The following KIAA1210 variants were observed in gnomAD, a reference collection of about 807,000 sequenced individuals.
KIAA1210 encodes the protein KIAA1210.
KIAA1210 carries 48 observed loss-of-function variants against 78.9 expected under a neutral mutation model. That is an observed-to-expected ratio of 0.61 (90% CI 0.48 to 0.77). KIAA1210 has a LOEUF of 0.77. KIAA1210 is among the 30% of genes least tolerant of loss of function. The pLI is 0.00. For missense variants in KIAA1210, 1,108 were observed against 1,100.0 expected (o/e 1.01, Z -0.10); for synonymous variants, 406 against 404.5 (o/e 1.00, Z -0.04).
At chrX:119,123,939 G>C (rs992832650) in intron 1 of KIAA1210, among the ~76,000 whole-genome samples, 1 of 111,723 alleles carries the variant, frequency 9.0e-6, no homozygotes, top group Non-Finnish European at 1.9e-5. Context: ...GTTTTGGTGG[G>C]GGGGGCGTTG....
At chrX:119,095,119 G>A (rs959416647) in intron 7 of KIAA1210, among the ~76,000 whole-genome samples, 3 of 112,270 alleles carry the variant, frequency 2.7e-5, no homozygotes, top group Non-Finnish European at 5.6e-5. Context: ...AAGATGGTGG[G>A]ATGAAAAAAG....
intron 1 of KIAA1210, among the ~76,000 whole-genome samples, chrX:119,149,155 CT>C (rs1425798333): frequency 1.8e-5 from 2 of 110,252 alleles, no homozygotes; most frequent in African/African-American, 6.6e-5. Flanking sequence ...TAGGAAAAAG[CT>C]CAAAGAAGAG....
In KIAA1210 at chrX:119,089,330, C is replaced by G; in HGVS notation, c.1372G>C (p.Ala458Pro). 1.7e-6 allele frequency: 2 copies of G among 1,211,556 alleles called. No homozygotes were observed. Among genetic ancestry groups the G allele is most frequent in the South Asian group, 3.5e-5 (2 of 56,864 alleles). Residue 458 changes from alanine (A) to proline (P), a missense_variant, in exon 9 of 12, where the codon GCA becomes CCA. By Grantham distance (27) the Ala-to-Pro change is conservative (BLOSUM62 -1). Coordinates refer to ENST00000691062, the MANE Select transcript of KIAA1210 (RefSeq NM_001394962.1). ...TCCATGTTTTCAGGTATGGGCTGTG[C>G]TGCTGATGCTTTTCTGGATCCGAAA... ...IDFGSRKASA[A>P]QPIPENMDNS...
intron 2 of KIAA1210, among the ~76,000 whole-genome samples, chrX:119,142,673 G>T (rs1049349048): frequency 9.4e-6 from 1 of 106,252 alleles, no homozygotes; most frequent in African/African-American, 3.4e-5. Flanking sequence ...GCTACAGGAG[G>T]CTGAGGCAGG....
chrX:119,147,638 A>C, intron 1 of KIAA1210: 1 of 1,167,538 alleles, frequency 8.6e-7, no homozygotes, highest in Non-Finnish European at 1.2e-6. Flanking sequence ...AATGTCTACT[A>C]ACCTATCATC....
At chrX:119,149,682 A>G (rs780529664) in intron 1 of KIAA1210, among the ~76,000 whole-genome samples, 1 of 112,510 alleles carries the variant, frequency 8.9e-6, no homozygotes, top group Non-Finnish European at 1.9e-5. Context: ...ATATGCACAT[A>G]CAACATCCAA....
intron 2 of KIAA1210, among the ~76,000 whole-genome samples, chrX:119,138,896 T>C (rs1241945459): frequency 1.8e-5 from 2 of 111,887 alleles, no homozygotes; most frequent in African/African-American, 3.3e-5. Context: ...GGTTGGCCCC[T>C]GACCCAGCTG....
intron 2 of KIAA1210, among the ~76,000 whole-genome samples, chrX:119,137,484 C>G (rs1161104726): frequency 8.9e-6 from 1 of 112,477 alleles, no homozygotes; most frequent in Non-Finnish European, 1.9e-5. Context: ...CGAGTCATAG[C>G]CCCTCTTTGG....
In KIAA1210 at chrX:119,088,472, T is replaced by A. The variant is rs1927241748; in HGVS notation, c.2230A>T (p.Asn744Tyr). Residue 744 changes from asparagine to tyrosine, a missense_variant, in exon 9 of 12, where the codon AAT (asparagine) becomes TAT (tyrosine). Asn to Tyr is a moderately radical substitution (Grantham distance 143, BLOSUM62 -2). Coordinates refer to ENST00000691062, the MANE Select transcript of KIAA1210 (RefSeq NM_001394962.1). ...PSRCPSQPIM[N>Y]PTVQQQVPTS... ...GGGACTTGTTGCTGAACAGTAGGAT[T>A]CATAATGGGCTGAGAAGGGCATCTG... is the stretch of plus-strand genomic sequence containing the variant. The A allele has an allele frequency of 8.3e-7, 1 of 1,209,266 alleles. No individual in the cohort carries two copies. Among genetic ancestry groups the A allele is most frequent in the African/African-American group, 1.8e-5 (1 of 57,026 alleles).
chrX:119,109,288 T>G, intron 3 of KIAA1210, 86 bp from the exon 4 acceptor site: 2 of 928,381 alleles, frequency 2.2e-6, no homozygotes, highest in Non-Finnish European at 2.9e-6. Context: ...TGGCCTACCA[T>G]AGATACCTCA....
chrX:119,085,880 C>G (rs1927116133), intron 9 of KIAA1210, among the ~76,000 whole-genome samples: 1 of 112,866 alleles, frequency 8.9e-6, no homozygotes, highest in Non-Finnish European at 1.9e-5. Context: ...GATGCCATTC[C>G]TCTAACTCCT....
rs1269124635 is a variant in KIAA1210, at chrX:119,081,926, G to A, written c.4427-422C>T. ...GCCAATCCACGATTTCATGTGAAAT[G>A]AATTGATTGATGACTTAATAGATGC... On this transcript the variant is annotated intron_variant, in intron 11 of 11. Transcript: ENST00000691062. Among the ~76,000 whole-genome samples the A allele has an allele frequency of 5.3e-5, 6 of 112,399 alleles. 1 individual carries two copies. Among genetic ancestry groups the A allele is most frequent in the Admixed American group, 3.8e-4 (4 of 10,638 alleles).
chrX:119,137,347 T>A (rs1413654699), intron 2 of KIAA1210, among the ~76,000 whole-genome samples: 2 of 112,214 alleles, frequency 1.8e-5, no homozygotes, highest in African/African-American at 6.5e-5. Flanking sequence ...CTACAGAAAA[T>A]GACCAATTCC....
At chrX:119,145,420 C>T (rs1929144253) in intron 2 of KIAA1210, among the ~76,000 whole-genome samples, 1 of 109,852 alleles carries the variant, frequency 9.1e-6, no homozygotes, top group Non-Finnish European at 1.9e-5. Flanking sequence ...CCCAATGTCC[C>T]CTGGGGAGCA....
rs774440701 is a variant in KIAA1210, at chrX:119,087,527, T to C, written c.3175A>G (p.Lys1059Glu). The part of the protein sequence containing the change: ...PSKSLSKPEV[K>E]HQVFSDSGSA... ...CCTGAATCTGAGAAAACTTGGTGCTTGACTTCAGGCTTTGATAAAGATTTG... is the reference window on the plus strand; with the variant it reads ...CCTGAATCTGAGAAAACTTGGTGCTCGACTTCAGGCTTTGATAAAGATTTG... Residue 1059 changes from lysine to glutamate, a missense_variant, in exon 9 of 12, where the codon AAG becomes GAG. Around this residue, in one of 5 missense-constraint regions of KIAA1210, gnomAD observed 179 missense variants for 174.1 expected, o/e 1.03. Transcript: ENST00000691062. 8.3e-7 allele frequency: 1 copy of C among 1,211,275 alleles called. No individual in the cohort carries two copies. Among genetic ancestry groups the C allele is most frequent in the African/African-American group, 1.7e-5 (1 of 57,785 alleles).
At position 119,135,355 on chromosome X, in the gene KIAA1210, T is replaced by C. The variant is rs188713405; in HGVS notation, c.411-11703A>G. Among the ~76,000 whole-genome samples, 398 of 112,011 alleles carry C rather than the reference T, an allele frequency of 3.6e-3. 2 individuals carry two copies. Among genetic ancestry groups the C allele is most frequent in the African/African-American group, 0.012 (382 of 30,856 alleles). On this transcript the variant is annotated intron_variant, in intron 2 of 13. Transcript: ENST00000402510. ...CAGATATTTGCTGACATTTTAACAA[T>C]GCACAGAGTCCTGCCAAAAATGACC...
At chrX:119,119,894 C>T (rs945287867) in intron 2 of KIAA1210, among the ~76,000 whole-genome samples, 2 of 104,530 alleles carry the variant, frequency 1.9e-5, no homozygotes, top group East Asian at 3.0e-4. Context: ...GAGAATGGCA[C>T]GAACCCGGGA....
In KIAA1210 at chrX:119,093,786, A is replaced by T. The variant is rs758882260; in HGVS notation, c.847-11T>A. On this transcript the variant is annotated splice_polypyrimidine_tract_variant and intron_variant, in intron 7 of 11. Transcript: ENST00000691062. ...CTCCTTTGGTTCCACCTGAAACAGG[A>T]AAAGAAAGAGCTTGAATCCTACTGA... 72 of 1,170,682 alleles carry T rather than the reference A, an allele frequency of 6.2e-5. No homozygotes were observed. The highest frequency in any genetic ancestry group is 8.0e-5 in the Non-Finnish European group (69 of 864,654).
At chrX:119,116,802 T>A in intron 2 of KIAA1210, 138 bp from the exon 3 acceptor site, 3 of 485,162 alleles carry the variant, frequency 6.2e-6, no homozygotes, top group Non-Finnish European at 1.0e-5. Context: ...ACCCCAATGC[T>A]GACAGCACCC....
Sources: allele counts gnomAD v4.1 joint callset (sites outside exome capture counted in the v4.1 genomes callset), GRCh38; gene constraint gnomAD v4.1.1; regional missense constraint gnomAD v4.1.1; transcripts MANE v1.5; gene names NCBI Gene and HGNC (gene_info 2026-07-23, HGNC 2026-07-21).